LEF1: variants seen among roughly 807,000 people sequenced by gnomAD.
LEF1 encodes the protein lymphoid enhancer binding factor 1, also known as lymphoid enhancer-binding factor 1.
In LEF1, 14 loss-of-function variants were observed where a neutral mutation model predicts 51.2. That is an observed-to-expected ratio of 0.27 (90% CI 0.18 to 0.43). The LOEUF is 0.43. Ranked by LOEUF, LEF1 falls within the 20% of genes least tolerant of loss-of-function variation. The pLI, the probability that LEF1 is intolerant of heterozygous loss-of-function variation, is 1.00. For missense variants in LEF1, 386 were observed against 512.0 expected, an observed-to-expected ratio of 0.75 and a Z score of 2.37; for synonymous variants, 185 against 183.2, an observed-to-expected ratio of 1.01 and a Z score of -0.08.
chr4:108,077,025 C>CAAAAA (rs35942591), intron 8 of LEF1, among the ~76,000 whole-genome samples: 4 of 97,440 alleles, frequency 4.1e-5, no homozygotes, highest in Non-Finnish European at 3.9e-5. Context: ...AGACTCATCT[C>CAAAAA]AAAAAAAAAA....
At chr4:108,092,022 G>C (rs918405641) in intron 3 of LEF1, among the ~76,000 whole-genome samples, 1 of 152,164 alleles carries the variant, frequency 6.6e-6, no homozygotes, top group Non-Finnish European at 1.5e-5. Context: ...TCTTTCCAGA[G>C]CACCACCTTA....
intron 3 of LEF1, among the ~76,000 whole-genome samples, chr4:108,156,384 C>CA (rs1339567640): frequency 1.3e-5 from 2 of 151,992 alleles, no homozygotes; most frequent in Non-Finnish European, 2.9e-5. Flanking sequence ...TTCACCAATG[C>CA]AAAAAATAAG....
chr4:108,077,714 G>A (rs1378306049), intron 8 of LEF1, among the ~76,000 whole-genome samples: 3 of 147,996 alleles, frequency 2.0e-5, no homozygotes, highest in East Asian at 2.0e-4. Flanking sequence ...AGTGAGGGGC[G>A]CCTCTGCCCG....
At position 108,078,401 on chromosome 4, in the gene LEF1, G is replaced by C. The variant is rs758135287; in HGVS notation, c.846-19C>G. On this transcript the variant is annotated intron_variant, in intron 7 of 11. Transcript: ENST00000265165. The stretch of plus-strand genomic sequence containing the variant: ...AGGCTTCCTAAAAGGTGGTGGTGGT[G>C]GTGGTTAGGGGAAGGGGTTGAAGGA... 6.2e-7 allele frequency: 1 copy of C among 1,614,094 alleles called. No individual in the cohort carries two copies.
intron 3 of LEF1, among the ~76,000 whole-genome samples, chr4:108,156,167 C>T (rs1261111483): frequency 2.0e-5 from 3 of 152,170 alleles, no homozygotes; most frequent in African/African-American, 7.2e-5. Flanking sequence ...TTTATCATCT[C>T]CATTTCTTCA....
intron 11 of LEF1, among the ~76,000 whole-genome samples, chr4:108,053,709 T>C (rs1578282528): frequency 1.3e-5 from 2 of 152,220 alleles, no homozygotes; most frequent in African/African-American, 4.8e-5. Context: ...ATGTGTCCTA[T>C]TGGTAGGCCA....
intron 3 of LEF1, among the ~76,000 whole-genome samples, chr4:108,149,313 G>C (rs10013886): frequency 1.3e-5 from 2 of 150,358 alleles, no homozygotes; most frequent in African/African-American, 4.9e-5. Context: ...CAAAAAATTA[G>C]CCGGGCGTGG....
chr4:108,117,543 G>T (rs1488131891), intron 3 of LEF1, among the ~76,000 whole-genome samples: 1 of 152,194 alleles, frequency 6.6e-6, no homozygotes, highest in Non-Finnish European at 1.5e-5. Flanking sequence ...TCAGAAAATG[G>T]CTCCTAGAAA....
chr4:108,108,539 T>C (rs1741320236), intron 3 of LEF1, among the ~76,000 whole-genome samples: 2 of 152,142 alleles, frequency 1.3e-5, no homozygotes, highest in Non-Finnish European at 2.9e-5. Context: ...TATATTAAAA[T>C]GTGGGAGATG....
chr4:108,125,845 G>A (rs1412472025), intron 3 of LEF1, among the ~76,000 whole-genome samples: 1 of 152,018 alleles, frequency 6.6e-6, no homozygotes, highest in Admixed American at 6.6e-5. Flanking sequence ...AATCCTAGGT[G>A]TATTATGGAT....
In LEF1 at chr4:108,119,993, A is replaced by ATG. The variant is rs34987010; in HGVS notation, c.415-30738_415-30737dup. Reference sequence around the variant, plus strand: ...ACCATTATATGTGTATATTTTATATATGTGTGTGTGTGTGTGTGTGTGTGT... The same window carrying ATG: ...ACCATTATATGTGTATATTTTATATATGTGTGTGTGTGTGTGTGTGTGTGTGT... On this transcript the variant is annotated intron_variant, in intron 3 of 11. Coordinates refer to ENST00000265165, the MANE Select transcript of LEF1 (RefSeq NM_016269.5). Among the ~76,000 whole-genome samples, 950 of 149,562 alleles carry ATG rather than the reference A, an allele frequency of 6.4e-3. 7 individuals carry two copies. The highest frequency in any genetic ancestry group is 0.022 in the African/African-American group (877 of 40,390).
At chr4:108,088,474 C>T (rs114018724) in intron 4 of LEF1, among the ~76,000 whole-genome samples, 1,815 of 152,340 alleles carry the variant, frequency 0.012, 13 homozygotes, top group Middle Eastern at 0.02. Context: ...CACCAGAGCT[C>T]TCTGTCCTAC....
At chr4:108,089,464 T>C (rs2110267898) in intron 3 of LEF1, among the ~76,000 whole-genome samples, 1 of 152,324 alleles carries the variant, frequency 6.6e-6, no homozygotes, top group Admixed American at 6.5e-5. Flanking sequence ...AATATGTCAC[T>C]GATATTCATG....
At chr4:108,049,447 G>T (rs1444603557) in intron 11 of LEF1, among the ~76,000 whole-genome samples, 1 of 152,178 alleles carries the variant, frequency 6.6e-6, no homozygotes, top group African/African-American at 2.4e-5. Context: ...AAGCTTTAAT[G>T]ATCTGAGATT....
At chr4:108,160,929 C>A (rs180998239) in intron 3 of LEF1, among the ~76,000 whole-genome samples, 1 of 152,142 alleles carries the variant, frequency 6.6e-6, no homozygotes, top group East Asian at 1.9e-4. Flanking sequence ...CCAGTCCTAA[C>A]ACTTTTGGGA....
At chr4:108,064,900 T>C (rs771294627) in intron 9 of LEF1, among the ~76,000 whole-genome samples, 2 of 152,086 alleles carry the variant, frequency 1.3e-5, no homozygotes, top group Non-Finnish European at 1.5e-5. Context: ...TGAATTCCAT[T>C]GTCTGATTAA....
At chr4:108,163,836 G>A in intron 2 of LEF1, 135 bp from the exon 3 acceptor site, 1 of 836,932 alleles carries the variant, frequency 1.2e-6, no homozygotes, top group Non-Finnish European at 1.8e-6. Flanking sequence ...TACTGTAACT[G>A]GATTATTATG....
intron 8 of LEF1, chr4:108,072,053 C>T (rs1738510813): frequency 6.6e-6 from 1 of 152,298 alleles, no homozygotes; most frequent in South Asian, 2.1e-4. Flanking sequence ...TCCTGCTCTC[C>T]CCCAACTCTC....
chr4:108,111,486 CA>C (rs1338686762), intron 3 of LEF1, among the ~76,000 whole-genome samples: 5 of 152,214 alleles, frequency 3.3e-5, no homozygotes, highest in Admixed American at 3.3e-4. Context: ...GAGATGCCTG[CA>C]AAAAGTGATT....
Sources: gnomAD v4.1 joint callset for allele counts (sites outside exome capture counted in the v4.1 genomes callset) on GRCh38, gnomAD v4.1.1 for gene constraint, MANE v1.5 for transcripts, NCBI Gene and HGNC (gene_info 2026-07-23, HGNC 2026-07-21) for gene names.